ZBTB16: variants seen among roughly 807,000 people sequenced by gnomAD.
ZBTB16 encodes zinc finger and BTB domain-containing protein 16.
Under a neutral mutation model 56.8 loss-of-function variants are expected in ZBTB16, and 8 were observed. The ratio of observed to expected loss-of-function variants is 0.14; its 90% CI spans 0.08 to 0.25. ZBTB16 has a LOEUF of 0.25. Among genes scored for constraint, ZBTB16 ranks in the 10% least tolerant of loss-of-function variants. The pLI is 1.00. For synonymous variants in ZBTB16, 363 were observed against 368.5 expected, an observed-to-expected ratio of 0.98 and a Z score of 0.17; for missense variants, 625 against 903.0, an observed-to-expected ratio of 0.69 and a Z score of 3.95.
At chr11:114,182,599 T>C (rs1943274761) in intron 3 of ZBTB16, among the ~76,000 whole-genome samples, 4 of 152,178 alleles carry the variant, frequency 2.6e-5, no homozygotes, top group Non-Finnish European at 5.9e-5. Flanking sequence ...CCTGGAGTTC[T>C]CCCTACTCCA....
chr11:114,120,746 AG>A (rs1239632209), intron 2 of ZBTB16, among the ~76,000 whole-genome samples: 1 of 152,092 alleles, frequency 6.6e-6, no homozygotes, highest in Non-Finnish European at 1.5e-5. Context: ...GGGCCCATCG[AG>A]GGAGCAGAGG....
chr11:114,112,015 T>C (rs561615006), intron 2 of ZBTB16, among the ~76,000 whole-genome samples: 29 of 152,296 alleles, frequency 1.9e-4, no homozygotes, highest in African/African-American at 6.3e-4. Flanking sequence ...TTGTGGGGGA[T>C]GTATATTGTA....
In ZBTB16 at chr11:114,094,364, C is replaced by G. The variant is rs558471235; in HGVS notation, c.1268+29796C>G. ...TAAAAAATTGACTTTTTGAGTAAAA[C>G]AAAAACCAAACGAGTCCGTGTAAAG... On this transcript the variant is annotated intron_variant, in intron 2 of 6. Transcript: ENST00000335953. 2.6e-4 allele frequency among the ~76,000 whole-genome samples: 39 copies of G among 152,180 alleles called. No homozygotes were observed. The South Asian group carries it at 6.4e-3, about 25-fold the overall frequency.
At chr11:114,096,935 TAC>T (rs902831960) in intron 2 of ZBTB16, among the ~76,000 whole-genome samples, 1 of 151,550 alleles carries the variant, frequency 6.6e-6, no homozygotes, top group Admixed American at 6.6e-5. Context: ...GTTATGTGTA[TAC>T]ACACACACAC....
chr11:114,170,432 G>A (rs1022793795), intron 3 of ZBTB16, among the ~76,000 whole-genome samples: 4 of 152,218 alleles, frequency 2.6e-5, no homozygotes, highest in African/African-American at 7.2e-5. Context: ...TGTTCACCGC[G>A]TAGATGGAAG....
chr11:114,242,327 C>G lies in ZBTB16; in HGVS notation c.1614C>G (p.Arg538=). Residue 538 remains arginine (R), a synonymous_variant, in exon 5 of 7, where the codon CGC becomes CGG. Coordinates refer to ENST00000335953, the MANE Select transcript of ZBTB16 (RefSeq NM_006006.6). ...PSHTALKRHL[R]SHTGDHPYEC... ...ACACGGCTCTCAAACGCCACCTGCG[C>G]TCACATACAGGTAGGTCAGTCCAGC... is the stretch of plus-strand genomic sequence containing the variant. 1 of 1,613,700 alleles carries G rather than the reference C, an allele frequency of 6.2e-7. No individual in the cohort carries two copies. Among genetic ancestry groups the G allele is most frequent in the South Asian group, 1.1e-5 (1 of 91,070 alleles).
chr11:114,251,962 G>C lies in ZBTB16; in HGVS notation c.*1407G>C, dbSNP rs1356948489. Among the ~76,000 whole-genome samples the C allele has an allele frequency of 1.3e-5, 2 of 152,112 alleles. No individual in the cohort carries two copies. The highest frequency in any genetic ancestry group is 4.8e-5 in the African/African-American group (2 of 41,408). ...AGGAATGGGGAGGGTGTTCTTTTCT[G>C]TTTCTTGTGTAAATTAATAGTTGTT... On this transcript the variant is annotated 3_prime_UTR_variant, in exon 7 of 7. Transcript: ENST00000335953.
At chr11:114,187,296 C>T in intron 4 of ZBTB16, 1 of 575,644 alleles carries the variant, frequency 1.7e-6, no homozygotes, top group Non-Finnish European at 3.1e-6. Context: ...TAACCAGCCA[C>T]TGAGAGCTCA....
At chr11:114,166,207 TG>T (rs1215642560) in intron 3 of ZBTB16, among the ~76,000 whole-genome samples, 4 of 73,782 alleles carry the variant, frequency 5.4e-5, no homozygotes, top group Middle Eastern at 9.8e-3. Context: ...TCTACGTGTG[TG>T]TGTGTGTGTG....
chr11:114,194,482 G>T (rs1169061818), intron 4 of ZBTB16, among the ~76,000 whole-genome samples: 1 of 152,144 alleles, frequency 6.6e-6, no homozygotes, highest in African/African-American at 2.4e-5. Flanking sequence ...CTGGGCTCAG[G>T]CTTTGTTGTC....
At chr11:114,070,107 T>C (rs1295161279) in intron 2 of ZBTB16, among the ~76,000 whole-genome samples, 2 of 139,830 alleles carry the variant, frequency 1.4e-5, no homozygotes. Context: ...TTTTTTTTTT[T>C]TTTTTTTTTT....
At chr11:114,163,921 G>A (rs1942668816) in intron 3 of ZBTB16, among the ~76,000 whole-genome samples, 1 of 152,134 alleles carries the variant, frequency 6.6e-6, no homozygotes, top group Non-Finnish European at 1.5e-5. Context: ...CAACAGGCTC[G>A]ACAGATTTTG....
chr11:114,173,806 A>G (rs1034595978), intron 3 of ZBTB16, among the ~76,000 whole-genome samples: 5 of 152,208 alleles, frequency 3.3e-5, no homozygotes, highest in African/African-American at 4.8e-5. Context: ...CCTTGTCTAT[A>G]TCGGCCTTTG....
At chr11:114,177,579 C>T (rs1591754235) in intron 3 of ZBTB16, among the ~76,000 whole-genome samples, 1 of 152,102 alleles carries the variant, frequency 6.6e-6, no homozygotes, top group African/African-American at 2.4e-5. Context: ...GGGGCCTGAC[C>T]GTTAACCTCC....
At chr11:114,116,977 G>A (rs569152247) in intron 2 of ZBTB16, among the ~76,000 whole-genome samples, 2 of 152,282 alleles carry the variant, frequency 1.3e-5, no homozygotes, top group Admixed American at 6.5e-5. Context: ...AGAACAAAGT[G>A]TAGAGGAAAT....
In ZBTB16 at chr11:114,118,008, C is replaced by T. The variant is rs1031772899; in HGVS notation, c.1269-38329C>T. Among the ~76,000 whole-genome samples, 5 of 152,098 alleles carry T rather than the reference C, an allele frequency of 3.3e-5. No homozygotes were observed. The South Asian group carries it at 6.2e-4, about 19-fold the overall frequency. On this transcript the variant is annotated intron_variant, in intron 2 of 6. Transcript: ENST00000335953. ...TTAATCCTTTGTAGTTACTGACTGA[C>T]GAAATCATGACTCTGTGAAATTTTA...
chr11:114,210,616 G>C (rs1943980272), intron 4 of ZBTB16: 1 of 227,326 alleles, frequency 4.4e-6, no homozygotes, highest in South Asian at 1.8e-4. Context: ...TTTACCAAGA[G>C]CGTCTGTCTT....
At chr11:114,181,732 C>CGA (rs1565671956) in intron 3 of ZBTB16, among the ~76,000 whole-genome samples, 15 of 152,260 alleles carry the variant, frequency 9.9e-5, no homozygotes, top group African/African-American at 3.1e-4. Context: ...CTATTTTTCT[C>CGA]GGTTTGCTTG....
At chr11:114,230,487 G>A (rs1036273703) in intron 4 of ZBTB16, among the ~76,000 whole-genome samples, 1 of 151,966 alleles carries the variant, frequency 6.6e-6, no homozygotes, top group Non-Finnish European at 1.5e-5. Context: ...CGTACAGTAC[G>A]GGAAGGCCGC....
Sources: gnomAD v4.1 joint callset for allele counts (sites outside exome capture counted in the v4.1 genomes callset) on GRCh38, gnomAD v4.1.1 for gene constraint, MANE v1.5 for transcripts, NCBI Gene and HGNC (gene_info 2026-07-23, HGNC 2026-07-21) for gene names.